Variants in BRINP1 observed in about 807,000 individuals in gnomAD.
BRINP1 encodes BMP/retinoic acid inducible neural specific 1.
A neutral mutation model predicts 72.9 loss-of-function variants in BRINP1; 17 were observed. That is an observed-to-expected ratio of 0.23 (90% CI 0.16 to 0.35). BRINP1 has a LOEUF of 0.35. Ranked by LOEUF, BRINP1 falls within the 10% of genes least tolerant of loss-of-function variation. The pLI, the probability that BRINP1 is intolerant of heterozygous loss-of-function variation, is 1.00. For missense variants in BRINP1, 850 were observed against 1,001.6 expected (o/e 0.85, Z 2.04); for synonymous variants, 418 against 378.5 (o/e 1.10, Z -1.21).
Position 119,368,994 on chromosome 9 carries a change from C to A in BRINP1, c.-51+62G>T, listed in dbSNP as rs987180598. ...GAGGAGCGCGGGGACGCCCCGAATGCGGCCCGGGGCCGGGTCCAAGGGCAG... is the reference window on the plus strand; with the variant it reads ...GAGGAGCGCGGGGACGCCCCGAATGAGGCCCGGGGCCGGGTCCAAGGGCAG... On this transcript the variant is annotated intron_variant, in intron 1 of 7. Transcript: ENST00000265922. This position sits in a 1 kb window ranked among gnomAD's most constrained non-coding sequence, Gnocchi z 4.7. 2.6e-6 allele frequency: 1 copy of A among 390,538 alleles called. No individual in the cohort carries two copies. The highest frequency in any genetic ancestry group is 4.5e-5 in the Admixed American group (1 of 22,424). The allele number at this position is 390,538 out of a possible 1,614,324, so 24.2% of individuals were successfully genotyped here. A position where few individuals can be genotyped will look rare whatever the true frequency, so the allele number is the denominator to read the frequency against.
At chr9:119,291,350 A>G (rs770325052) in intron 2 of BRINP1, among the ~76,000 whole-genome samples, 2 of 152,148 alleles carry the variant, frequency 1.3e-5, no homozygotes, top group African/African-American at 2.4e-5. Context: ...ACTGAAGCCA[A>G]TTTCACACTT....
chr9:119,189,245 G>C (rs1262718756), intron 7 of BRINP1, among the ~76,000 whole-genome samples: 1 of 151,798 alleles, frequency 6.6e-6, no homozygotes, highest in Non-Finnish European at 1.5e-5. Context: ...AACCACAAAG[G>C]TAAACAAGGA....
intron 1 of BRINP1, among the ~76,000 whole-genome samples, chr9:119,317,448 C>T (rs567262240): frequency 7.8e-4 from 119 of 152,264 alleles, no homozygotes; most frequent in Admixed American, 3.5e-3. Context: ...GAACGGATGA[C>T]GAGTTGCTCC....
chr9:119,303,316 A>G (rs1479833002), intron 2 of BRINP1, among the ~76,000 whole-genome samples: 1 of 147,506 alleles, frequency 6.8e-6, no homozygotes, highest in Non-Finnish European at 1.5e-5. Flanking sequence ...ACACACACAC[A>G]CACACACAGC....
chr9:119,312,986 G>GAA, intron 2 of BRINP1, 152 bp downstream of exon 2: 2 of 783,908 alleles, frequency 2.6e-6, no homozygotes, highest in Non-Finnish European at 3.9e-6. Context: ...CTTGTGCAAA[G>GAA]AAAAAAAAAA....
chr9:119,359,810 T>G (rs527656919), intron 1 of BRINP1, among the ~76,000 whole-genome samples: 1 of 152,338 alleles, frequency 6.6e-6, no homozygotes, highest in Non-Finnish European at 1.5e-5. Flanking sequence ...CAGTAGGATA[T>G]CTACATCAAA....
In BRINP1 at chr9:119,238,864, C is replaced by G. The variant is rs1482421238; in HGVS notation, c.580-104G>C. On this transcript the variant is annotated intron_variant, in intron 4 of 7. Coordinates refer to ENST00000265922, the MANE Select transcript of BRINP1 (RefSeq NM_014618.3). ...AGAGCAAAGCCTGCAGAAAAGGCCT[C>G]CTGGTTTGAGTCAATGGTCACTTTC... 2.3e-5 allele frequency: 16 copies of G among 687,806 alleles called. No homozygotes were observed. The Admixed American group carries it at 5.0e-4, about 21-fold the overall frequency. 42.6% of individuals were successfully genotyped at this position (687,806 alleles called of 1,614,324 possible).
intron 2 of BRINP1, among the ~76,000 whole-genome samples, chr9:119,297,030 AAG>A (rs1830887735): frequency 6.6e-6 from 1 of 152,198 alleles, no homozygotes; most frequent in Non-Finnish European, 1.5e-5. Flanking sequence ...ATCACAAAAA[AAG>A]AGACGGAAAA....
Position 119,368,464 on chromosome 9 carries a change from G to A in BRINP1, c.-51+592C>T, listed in dbSNP as rs369989802. The stretch of plus-strand genomic sequence containing the variant: ...GCGTACCAACATTGGGCTAAATAAG[G>A]TGCCATCTACAGCCCCATAATCCTC... On this transcript the variant is annotated intron_variant, in intron 1 of 7. Coordinates refer to ENST00000265922, the MANE Select transcript of BRINP1 (RefSeq NM_014618.3). The surrounding 1 kb of genome is among the most constrained non-coding windows in gnomAD (Gnocchi z 4.7). 2.7e-4 allele frequency among the ~76,000 whole-genome samples: 41 copies of A among 152,080 alleles called. No homozygotes were observed. The highest frequency in any genetic ancestry group is 9.6e-4 in the African/African-American group (40 of 41,500).
chr9:119,333,736 C>T (rs997877398), intron 1 of BRINP1, among the ~76,000 whole-genome samples: 1 of 152,044 alleles, frequency 6.6e-6, no homozygotes, highest in Non-Finnish European at 1.5e-5. Flanking sequence ...CTACCTTAAT[C>T]CATCTATGCA....
At chr9:119,275,318 T>C (rs1830645768) in intron 2 of BRINP1, among the ~76,000 whole-genome samples, 1 of 152,236 alleles carries the variant, frequency 6.6e-6, no homozygotes, top group South Asian at 2.1e-4. Context: ...TATTTTGCCC[T>C]ACCTTGTACA....
intron 1 of BRINP1, among the ~76,000 whole-genome samples, chr9:119,337,607 A>G (rs955940093): frequency 1.3e-5 from 2 of 152,238 alleles, no homozygotes; most frequent in African/African-American, 4.8e-5. Flanking sequence ...CCTTAACTAC[A>G]TCTAACCTAA....
At position 119,168,061 on chromosome 9, in the gene BRINP1, C is replaced by T. The variant is rs1043377; in HGVS notation, c.1309G>A (p.Ala437Thr). 1.3e-5 allele frequency: 21 copies of T among 1,610,120 alleles called. No individual in the cohort carries two copies. Among genetic ancestry groups the T allele is most frequent in the East Asian group, 4.5e-5 (2 of 44,752 alleles). ...GAGATGTTGGCCAGGCTGCACATGG[C>T]GCAGCTGTTGTTCCCGCCTATCACG... is the stretch of plus-strand genomic sequence containing the variant. ...PCVIGGNNSC[A>T]MCSLANISLC... The change falls in exon 8 of 8, where the codon GCC becomes ACC. Residue 437 changes from alanine (A) to threonine (T), a missense_variant. Coordinates refer to ENST00000265922, the MANE Select transcript of BRINP1 (RefSeq NM_014618.3).
At chr9:119,289,933 C>T (rs1830805562) in intron 2 of BRINP1, among the ~76,000 whole-genome samples, 1 of 152,180 alleles carries the variant, frequency 6.6e-6, no homozygotes. Flanking sequence ...AGTCTGAAAA[C>T]TTACTGATTG....
At chr9:119,266,122 A>G (rs562878538) in intron 2 of BRINP1, among the ~76,000 whole-genome samples, 1 of 152,338 alleles carries the variant, frequency 6.6e-6, no homozygotes, top group Non-Finnish European at 1.5e-5. Flanking sequence ...AAATAGAGCA[A>G]GTTCAGGGGA....
rs1829320889 is a variant in BRINP1, at chr9:119,166,997, T to TTG, written c.*85_*86dup. Reference sequence around the variant, plus strand: ...AATATTAATTACATTTTACAAATTTTTGTGGGTTTTTTTGTTTTGTTTTGC... The same window carrying TTG: ...AATATTAATTACATTTTACAAATTTTTGTGTGGGTTTTTTTGTTTTGTTTTGC... On this transcript the variant is annotated 3_prime_UTR_variant, in exon 8 of 8. Transcript: ENST00000265922. 1 of 1,374,262 alleles carries TTG rather than the reference T, an allele frequency of 7.3e-7. No individual in the cohort carries two copies. Among genetic ancestry groups the TTG allele is most frequent in the African/African-American group, 1.5e-5 (1 of 68,818 alleles). The allele number at this position is 1,374,262 out of a possible 1,614,324, so 85.1% of individuals were successfully genotyped here. A position where few individuals can be genotyped will look rare whatever the true frequency, so the allele number is the denominator to read the frequency against.
chr9:119,329,518 G>A (rs1165354295), intron 1 of BRINP1, among the ~76,000 whole-genome samples: 1 of 152,172 alleles, frequency 6.6e-6, no homozygotes, highest in Non-Finnish European at 1.5e-5. Context: ...GGCAATCACA[G>A]GTTCAGTGTT....
At chr9:119,256,843 A>G (rs528689822) in intron 2 of BRINP1, among the ~76,000 whole-genome samples, 6 of 152,194 alleles carry the variant, frequency 3.9e-5, no homozygotes, top group Non-Finnish European at 7.3e-5. Context: ...ATGACCTCTG[A>G]TAAGTGGAGG....
chr9:119,327,708 T>C (rs1177063931), intron 1 of BRINP1, among the ~76,000 whole-genome samples: 2 of 151,896 alleles, frequency 1.3e-5, no homozygotes, highest in Non-Finnish European at 2.9e-5. Context: ...GTGGATGAAG[T>C]GAGAAAAGGA....
Sources: gnomAD v4.1 joint callset for allele counts (sites outside exome capture counted in the v4.1 genomes callset) on GRCh38, gnomAD v4.1.1 for gene constraint, Gnocchi (gnomAD v3.1) non-coding constraint, MANE v1.5 for transcripts, NCBI Gene and HGNC (gene_info 2026-07-23, HGNC 2026-07-21) for gene names.